Variants in RPS24 observed in about 807,000 individuals in gnomAD.
RPS24 encodes the protein ribosomal protein S24.
For synonymous variants in RPS24, 72 were observed against 55.6 expected (o/e 1.30, Z -1.31); for missense variants, 100 against 162.5 (o/e 0.62, Z 2.09).
chr10:78,046,035 T>A (rs560175512), intron 4 of RPS24, among the ~76,000 whole-genome samples: 1 of 152,008 alleles, frequency 6.6e-6, no homozygotes, highest in Admixed American at 6.6e-5. Flanking sequence ...TTGCCCCAGT[T>A]TTCAGAGTTA....
downstream of RPS24, among the ~76,000 whole-genome samples, chr10:78,045,505 G>A (rs1395888749): frequency 1.3e-5 from 2 of 149,828 alleles, no homozygotes; most frequent in Non-Finnish European, 2.9e-5. Context: ...TTTGTGAGAT[G>A]GAGTGTTGCT....
At chr10:78,050,260 A>T (rs1215195508) in intron 4 of RPS24, among the ~76,000 whole-genome samples, 1 of 152,036 alleles carries the variant, frequency 6.6e-6, no homozygotes, top group Non-Finnish European at 1.5e-5. Flanking sequence ...ACTTCCGGCC[A>T]GATTAGTTAG....
intron 4 of RPS24, among the ~76,000 whole-genome samples, chr10:78,047,854 C>T (rs1416166687): frequency 6.6e-6 from 1 of 152,208 alleles, no homozygotes; most frequent in Admixed American, 6.5e-5. Flanking sequence ...AGTGCTATGC[C>T]TCTGTCCTAT....
intron 5 of RPS24, 92 bp from the exon 6 acceptor site, chr10:78,040,523 T>TG: frequency 2.2e-6 from 2 of 907,116 alleles, no homozygotes; most frequent in Non-Finnish European, 3.7e-6. Flanking sequence ...TACTAATAAT[T>TG]GTTGTGCATG....
exon 5 of RPS24, chr10:78,055,193 A>C: frequency 9.9e-7 from 1 of 1,009,924 alleles, no homozygotes; most frequent in South Asian, 4.2e-5. Context: ...CCACGCCCCC[A>C]CAATCCCCCA....
At chr10:78,051,040 A>G (rs555561612) in intron 4 of RPS24, among the ~76,000 whole-genome samples, 1 of 152,318 alleles carries the variant, frequency 6.6e-6, no homozygotes, top group East Asian at 1.9e-4. Flanking sequence ...AAAATAAAAA[A>G]TTAGACGGGC....
At chr10:78,037,343 T>C in intron 4 of RPS24, 39 bp downstream of exon 4, 1 of 1,559,678 alleles carries the variant, frequency 6.4e-7, no homozygotes, top group Non-Finnish European at 8.7e-7. Flanking sequence ...CGTCATTAAT[T>C]GTAGGTCTTT....
rs898776159 is a variant in RPS24 at position 78,054,747 on chromosome 10, G to A, written c.607G>A (p.Glu203Lys). 1.9e-6 allele frequency: 3 copies of A among 1,551,586 alleles called. No homozygotes were observed. In the African/African-American group the frequency reaches 4.1e-5, roughly 21 times the overall value. The stretch of plus-strand genomic sequence containing the variant: ...TACCTGGAGGAAGACTGAAAACAGA[G>A]AACAGTGCTGCCAGGCGTGCCTTTT... The change falls in exon 5 of 5, where the codon GAA becomes AAA. Residue 203 changes from glutamate to lysine, a missense_variant. Physicochemically the swap from Glu to Lys is moderately conservative, Grantham distance 56. Coordinates refer to the RPS24 transcript ENST00000440692.
intron 4 of RPS24, among the ~76,000 whole-genome samples, chr10:78,050,702 C>T (rs1848090589): frequency 6.6e-6 from 1 of 152,210 alleles, no homozygotes; most frequent in Non-Finnish European, 1.5e-5. Context: ...CCTCGAACTC[C>T]TAGGCTAAAG....
intron 4 of RPS24, chr10:78,039,300 C>T (rs1302214735): frequency 6.6e-6 from 1 of 152,238 alleles, no homozygotes; most frequent in Non-Finnish European, 1.5e-5. Flanking sequence ...ACATTTAACA[C>T]ATTGATTGTT....
At chr10:78,054,421 T>C (rs1300917540) in intron 4 of RPS24, 1 of 1,015,764 alleles carries the variant, frequency 9.8e-7, no homozygotes, top group Non-Finnish European at 1.4e-6. Flanking sequence ...TGATCTTCCC[T>C]GGTACCAAGT....
At chr10:78,054,696 T>C in exon 5 of RPS24, 2 of 1,551,646 alleles carry the variant, frequency 1.3e-6, no homozygotes, top group East Asian at 2.4e-5. Flanking sequence ...GCGGAGGGGC[T>C]GTGGCAAGTA....
chr10:78,040,523 T>A (rs1847970020), intron 5 of RPS24, 92 bp from the exon 6 acceptor site: 2 of 906,998 alleles, frequency 2.2e-6, no homozygotes, highest in South Asian at 1.3e-5. Context: ...TACTAATAAT[T>A]GTTGTGCATG....
Position 78,037,462 on chromosome 10 carries a change from A to C in RPS24, c.390+158A>C. On this transcript the variant is annotated intron_variant, in intron 4 of 5. Coordinates refer to ENST00000372360, the MANE Select transcript of RPS24 (RefSeq NM_033022.4). ...AGAAGGTAACATGTTTTAAGAAACT[A>C]TGTAGCATAGTGTCTTAACACCTCA... The C allele has an allele frequency of 2.4e-6, 3 of 1,264,240 alleles. 1 individual carries two copies. The South Asian group carries it at 4.8e-5, about 20-fold the overall frequency. The allele number at this position is 1,264,240 out of a possible 1,614,324, so 78.3% of individuals were successfully genotyped here. A position where few individuals can be genotyped will look rare whatever the true frequency, so the allele number is the denominator to read the frequency against.
chr10:78,053,165 CAAA>C, intron 4 of RPS24, among the ~76,000 whole-genome samples: 3 of 129,606 alleles, frequency 2.3e-5, no homozygotes, highest in Non-Finnish European at 4.9e-5. Context: ...AAAAAACAAA[CAAA>C]AACAACAACA....
intron 3 of RPS24, chr10:78,036,640 TAAAG>T (rs1847874937): frequency 6.4e-6 from 1 of 157,002 alleles, no homozygotes; most frequent in Non-Finnish European, 1.4e-5. Flanking sequence ...TCGGTCATGT[TAAAG>T]GCCTTGCTGA....
intron 4 of RPS24, among the ~76,000 whole-genome samples, chr10:78,048,406 T>C (rs1564632326): frequency 6.6e-6 from 1 of 152,142 alleles, no homozygotes; most frequent in Non-Finnish European, 1.5e-5. Flanking sequence ...TGGCATCCTA[T>C]ACTCTCGGTG....
At chr10:78,053,670 G>A (rs1848122711) in intron 4 of RPS24, among the ~76,000 whole-genome samples, 1 of 152,112 alleles carries the variant, frequency 6.6e-6, no homozygotes, top group African/African-American at 2.4e-5. Context: ...GCAGGAGCGG[G>A]CCGGGGATGG....
intron 4 of RPS24, among the ~76,000 whole-genome samples, chr10:78,053,195 A>AAG (rs1554843556): frequency 2.0e-5 from 3 of 151,510 alleles, no homozygotes; most frequent in South Asian, 2.1e-4. Flanking sequence ...ACAAAAAAAA[A>AAG]AAAAGAAAAG....
Sources: gnomAD v4.1 joint callset for allele counts (sites outside exome capture counted in the v4.1 genomes callset) on GRCh38, gnomAD v4.1.1 for gene constraint, MANE v1.5 for transcripts, NCBI Gene and HGNC (gene_info 2026-07-23, HGNC 2026-07-21) for gene names.